Variants in ZNF280C observed in about 807,000 individuals in gnomAD.
The protein encoded by ZNF280C is zinc finger protein 280C, also known as suppressor of hairy wing homolog 3.
ZNF280C carries 14 observed loss-of-function variants against 53.6 expected under a neutral mutation model. The observed-to-expected ratio is 0.26, with a 90% CI of 0.17 to 0.41. ZNF280C has a LOEUF of 0.41. Among genes scored for constraint, ZNF280C ranks in the 10% least tolerant of loss-of-function variants. The pLI is 1.00. For synonymous variants in ZNF280C, 203 were observed against 181.1 expected (o/e 1.12, Z -0.97); for missense variants, 416 against 547.1 (o/e 0.76, Z 2.39).
intron 16 of ZNF280C, among the ~76,000 whole-genome samples, chrX:130,206,306 C>T (rs1026018812): frequency 9.3e-6 from 1 of 107,725 alleles, no homozygotes; most frequent in Non-Finnish European, 1.9e-5. Flanking sequence ...ATACTTTAAA[C>T]TTAAATATTT....
chrX:130,260,987 ATAT>A (rs1373092338), intron 1 of ZNF280C, among the ~76,000 whole-genome samples: 4 of 112,445 alleles, frequency 3.6e-5, no homozygotes, highest in East Asian at 5.5e-4. Context: ...CATTTCAGAA[ATAT>A]TATTACTATA....
At chrX:130,220,853 A>T (rs2032155482) in intron 12 of ZNF280C, among the ~76,000 whole-genome samples, 1 of 111,416 alleles carries the variant, frequency 9.0e-6, no homozygotes, top group African/African-American at 3.2e-5. Flanking sequence ...ACCCAAGAGA[A>T]ATTTGCACTT....
chrX:130,215,616 A>G (rs1186732380), intron 14 of ZNF280C, among the ~76,000 whole-genome samples, 175 bp downstream of exon 14: 1 of 112,377 alleles, frequency 8.9e-6, no homozygotes, highest in Non-Finnish European at 1.9e-5. Context: ...ATTAGAGAAT[A>G]AACACAATGA....
At chrX:130,261,250 A>G in intron 1 of ZNF280C, among the ~76,000 whole-genome samples, 1 of 112,401 alleles carries the variant, frequency 8.9e-6, no homozygotes, top group African/African-American at 3.2e-5. Flanking sequence ...ATCAAAAAAA[A>G]TGTGAATTGC....
intron 12 of ZNF280C, among the ~76,000 whole-genome samples, chrX:130,223,253 T>TCA (rs1309455809): frequency 1.8e-5 from 2 of 111,013 alleles, no homozygotes; most frequent in Non-Finnish European, 3.8e-5. Context: ...AGACAGGGTT[T>TCA]CACCATGTTG....
chrX:130,251,959 C>T (rs1182604472), intron 2 of ZNF280C, among the ~76,000 whole-genome samples: 1 of 110,530 alleles, frequency 9.0e-6, no homozygotes, highest in Non-Finnish European at 1.9e-5. Context: ...ACTAAAAACA[C>T]AAAAATTACC....
intron 5 of ZNF280C, among the ~76,000 whole-genome samples, chrX:130,241,651 G>C (rs1323951918): frequency 8.9e-6 from 1 of 111,734 alleles, no homozygotes; most frequent in Admixed American, 9.5e-5. Context: ...TGTAGTCCCA[G>C]CTACTTAGGA....
chrX:130,267,016 G>A (rs1161455352), intron 1 of ZNF280C, among the ~76,000 whole-genome samples: 1 of 109,848 alleles, frequency 9.1e-6, no homozygotes, highest in Non-Finnish European at 1.9e-5. Context: ...TAGCAGAATC[G>A]GTTGAACCCG....
At chrX:130,249,267 C>T (rs1678734543) in intron 2 of ZNF280C, among the ~76,000 whole-genome samples, 1 of 112,329 alleles carries the variant, frequency 8.9e-6, no homozygotes, top group Non-Finnish European at 1.9e-5. Context: ...TCTGCCACTT[C>T]TGCGAAAGCC....
intron 12 of ZNF280C, among the ~76,000 whole-genome samples, chrX:130,225,263 A>AGAT (rs1334237684): frequency 1.8e-5 from 2 of 111,151 alleles, no homozygotes; most frequent in Non-Finnish European, 3.8e-5. Context: ...AGACAGTCAG[A>AGAT]GATACTGCTT....
chrX:130,232,990 TACAC>T (rs200162826), intron 8 of ZNF280C, among the ~76,000 whole-genome samples: 1 of 110,291 alleles, frequency 9.1e-6, no homozygotes, highest in African/African-American at 3.3e-5. Flanking sequence ...TATATATATA[TACAC>T]ACACACACAC....
intron 18 of ZNF280C, 55 bp from the exon 19 acceptor site, chrX:130,205,047 G>A: frequency 9.7e-7 from 1 of 1,029,734 alleles, no homozygotes; most frequent in Non-Finnish European, 1.3e-6. Context: ...TAATATTAAT[G>A]ATTCATTAAA....
chrX:130,242,000 C>T (rs868085550), intron 5 of ZNF280C, among the ~76,000 whole-genome samples: 2 of 61,135 alleles, frequency 3.3e-5, no homozygotes, highest in South Asian at 8.8e-4. Flanking sequence ...TTTGGGAAGC[C>T]GGGGGGGGGC....
At chrX:130,218,099 T>G (rs1172885965) in intron 13 of ZNF280C, among the ~76,000 whole-genome samples, 1 of 111,094 alleles carries the variant, frequency 9.0e-6, no homozygotes, top group Admixed American at 9.6e-5. Flanking sequence ...GAGGCAGAGG[T>G]TGCAGTAAGC....
At position 130,253,248 on chromosome X, in the gene ZNF280C, G is replaced by A. The variant is rs188018987; in HGVS notation, c.32-6243C>T. Among the ~76,000 whole-genome samples the A allele has an allele frequency of 3.4e-3, 379 of 112,331 alleles. 3 individuals carry two copies. Among genetic ancestry groups the A allele is most frequent in the African/African-American group, 0.012 (361 of 30,979 alleles). ...TCTTCAATGTGAATTACAAAACACT[G>A]CTGAAAGAAATCAGAGATGACACAA... is the stretch of plus-strand genomic sequence containing the variant. On this transcript the variant is annotated intron_variant, in intron 2 of 18. Transcript: ENST00000370978.
At chrX:130,259,687 A>G (rs1302716796) in intron 2 of ZNF280C, among the ~76,000 whole-genome samples, 1 of 112,516 alleles carries the variant, frequency 8.9e-6, no homozygotes, top group Admixed American at 9.4e-5. Context: ...AGGAATATGT[A>G]TTACTTTAAT....
chrX:130,243,795 T>C lies in ZNF280C; in HGVS notation c.244+5A>G. ...TAAAATTGAAATACTACAGTAATACTGTACCTGGACTGTGTGGCTCACTCT... is the reference window on the plus strand; with the variant it reads ...TAAAATTGAAATACTACAGTAATACCGTACCTGGACTGTGTGGCTCACTCT... On this transcript the variant is annotated splice_donor_5th_base_variant and intron_variant, in intron 4 of 18. Coordinates refer to ENST00000370978, the MANE Select transcript of ZNF280C (RefSeq NM_017666.5). The C allele has an allele frequency of 8.4e-7, 1 of 1,191,128 alleles. No individual in the cohort carries two copies. The highest frequency in any genetic ancestry group is 1.8e-5 in the African/African-American group (1 of 57,107).
In ZNF280C at chrX:130,227,745, C is replaced by A; in HGVS notation, c.1185G>T (p.Glu395Asp). The A allele has an allele frequency of 8.3e-7, 1 of 1,205,462 alleles. No homozygotes were observed. Among genetic ancestry groups the A allele is most frequent in the South Asian group, 1.8e-5 (1 of 56,004 alleles). The change falls in exon 11 of 19, where the codon GAG becomes GAT. Residue 395 changes from glutamate (E) to aspartate (D), a missense_variant. Physicochemically the swap from Glu to Asp is conservative, Grantham distance 45. Transcript: ENST00000370978. ...CCTTCATATGTTGTAAAAGAATATG[C>A]TCTGTTTCAAATGATAATTCACAGA... ...CKICELSFET[E>D]HILLQHMKDT...
At position 130,240,936 on chromosome X, in the gene ZNF280C, T is replaced by G. The variant is rs1490031112; in HGVS notation, c.382-1243A>C. ...TGTATTTAAAATGTACTTGCCTCTT[T>G]CACAGTACATGTATTTTATTAATAG... On this transcript the variant is annotated intron_variant, in intron 5 of 18. Coordinates refer to ENST00000370978, the MANE Select transcript of ZNF280C (RefSeq NM_017666.5). Among the ~76,000 whole-genome samples, 24 of 112,146 alleles carry G rather than the reference T, an allele frequency of 2.1e-4. No individual in the cohort carries two copies. The Admixed American group carries it at 2.3e-3, about 11-fold the overall frequency.
Sources: gnomAD v4.1 joint callset for allele counts (sites outside exome capture counted in the v4.1 genomes callset) on GRCh38, gnomAD v4.1.1 for gene constraint, MANE v1.5 for transcripts, NCBI Gene and HGNC (gene_info 2026-07-23, HGNC 2026-07-21) for gene names.